The following UBASH3B variants were observed in gnomAD, a reference collection of about 807,000 sequenced individuals.
UBASH3B encodes ubiquitin associated and SH3 domain containing B.
In UBASH3B, 37 loss-of-function variants were observed where a neutral mutation model predicts 83.4. The ratio of observed to expected loss-of-function variants is 0.44; its 90% CI spans 0.34 to 0.58. The LOEUF is 0.58. Ranked by LOEUF, UBASH3B falls within the 20% of genes least tolerant of loss-of-function variation. The pLI is 0.01. For missense variants in UBASH3B, 657 were observed against 827.2 expected (o/e 0.79, Z 2.52); for synonymous variants, 304 against 318.3 (o/e 0.96, Z 0.48).
intron 1 of UBASH3B, among the ~76,000 whole-genome samples, chr11:122,750,111 T>C (rs1416508852): frequency 2.0e-5 from 3 of 152,158 alleles, no homozygotes; most frequent in African/African-American, 7.2e-5. Flanking sequence ...TGCTGATAAA[T>C]AGCAGAGCCA....
intron 1 of UBASH3B, among the ~76,000 whole-genome samples, chr11:122,703,075 G>T (rs575330009): frequency 1.3e-5 from 2 of 152,138 alleles, no homozygotes; most frequent in East Asian, 3.9e-4. Context: ...CCCACAGCAG[G>T]TACTTAGTAG....
chr11:122,788,915 C>A (rs1861002283), intron 5 of UBASH3B, among the ~76,000 whole-genome samples, 185 bp from the exon 6 acceptor site: 1 of 152,132 alleles, frequency 6.6e-6, no homozygotes, highest in Admixed American at 6.5e-5. Context: ...CCGTCAATAC[C>A]CTGAAGAGAG....
intron 3 of UBASH3B, among the ~76,000 whole-genome samples, chr11:122,778,048 TC>T (rs1271013586): frequency 7.2e-5 from 11 of 152,054 alleles, no homozygotes; most frequent in Admixed American, 1.3e-4. Flanking sequence ...CCAAATATAA[TC>T]CCCCTCACTA....
chr11:122,732,012 CA>C (rs1180255422), intron 1 of UBASH3B, among the ~76,000 whole-genome samples: 3 of 152,160 alleles, frequency 2.0e-5, no homozygotes, highest in Non-Finnish European at 4.4e-5. Context: ...CACACACACA[CA>C]CCATGCTCTG....
chr11:122,797,100 G>A, intron 9 of UBASH3B, 67 bp downstream of exon 9: 1 of 1,515,516 alleles, frequency 6.6e-7, no homozygotes, highest in Admixed American at 2.2e-5. Context: ...CTGGTACCAT[G>A]GATATGCAAG....
intron 1 of UBASH3B, among the ~76,000 whole-genome samples, chr11:122,775,323 A>G (rs1860713873): frequency 6.6e-6 from 1 of 152,204 alleles, no homozygotes; most frequent in Admixed American, 6.5e-5. Context: ...TCACTGCTAT[A>G]ACCAGCCTAT....
In UBASH3B at chr11:122,755,971, C is replaced by T. The variant is rs554050165; in HGVS notation, c.162-20248C>T. 6.6e-5 allele frequency among the ~76,000 whole-genome samples: 10 copies of T among 152,228 alleles called. No individual in the cohort carries two copies. The South Asian group carries it at 1.2e-3, about 19-fold the overall frequency. ...TGCAGTGTTCCTCTCCCCATTACCA[C>T]GGAAGGCACTGAACACAGGAGTTCC... On this transcript the variant is annotated intron_variant, in intron 1 of 13. Transcript: ENST00000284273.
chr11:122,739,090 CA>C (rs1245014511), intron 1 of UBASH3B, among the ~76,000 whole-genome samples: 1 of 152,062 alleles, frequency 6.6e-6, no homozygotes, highest in African/African-American at 2.4e-5. Context: ...CCTCAAATTA[CA>C]GGGCTCAGGG....
chr11:122,665,456 A>G (rs1216137494), intron 1 of UBASH3B, among the ~76,000 whole-genome samples: 2 of 151,814 alleles, frequency 1.3e-5, no homozygotes, highest in African/African-American at 4.8e-5. Flanking sequence ...GCCTCCCACA[A>G]GTGCTGGGAT....
chr11:122,716,189 T>C (rs1860522465), intron 1 of UBASH3B, among the ~76,000 whole-genome samples: 1 of 152,132 alleles, frequency 6.6e-6, no homozygotes. Context: ...AGGAGAGCTC[T>C]GAGACAGGGT....
chr11:122,688,980 G>GGC (rs1565529717), intron 1 of UBASH3B, among the ~76,000 whole-genome samples: 3 of 11,276 alleles, frequency 2.7e-4, no homozygotes, highest in African/African-American at 5.4e-4. Context: ...CGGGGAGGCG[G>GGC]GGGGGGGGGG....
At chr11:122,745,379 T>C (rs1861102119) in intron 1 of UBASH3B, among the ~76,000 whole-genome samples, 1 of 152,202 alleles carries the variant, frequency 6.6e-6, no homozygotes, top group Admixed American at 6.5e-5. Flanking sequence ...ATGGGGTGCT[T>C]ACCATGTGGC....
At chr11:122,765,349 A>T (rs1258849238) in intron 1 of UBASH3B, among the ~76,000 whole-genome samples, 1 of 152,196 alleles carries the variant, frequency 6.6e-6, no homozygotes, top group African/African-American at 2.4e-5. Context: ...CTTATTGGCC[A>T]CTTCTCACTG....
chr11:122,753,358 G>C (rs1276149168), intron 1 of UBASH3B, among the ~76,000 whole-genome samples: 1 of 151,808 alleles, frequency 6.6e-6, no homozygotes, highest in East Asian at 2.0e-4. Flanking sequence ...GGCTGAGGCA[G>C]GAGAATGGCT....
intron 1 of UBASH3B, among the ~76,000 whole-genome samples, chr11:122,755,094 G>A (rs1437735596): frequency 6.6e-6 from 1 of 152,068 alleles, no homozygotes; most frequent in Non-Finnish European, 1.5e-5. Context: ...ATGCAATGGA[G>A]AGAAGTCAGA....
intron 1 of UBASH3B, among the ~76,000 whole-genome samples, chr11:122,741,957 AC>A (rs1861032914): frequency 6.6e-6 from 1 of 152,160 alleles, no homozygotes; most frequent in Admixed American, 6.5e-5. Context: ...TCTTCTGGAA[AC>A]TGGCTCACTC....
At chr11:122,702,638 C>T (rs1864056967) in intron 1 of UBASH3B, among the ~76,000 whole-genome samples, 1 of 152,014 alleles carries the variant, frequency 6.6e-6, no homozygotes, top group Non-Finnish European at 1.5e-5. Context: ...GATTCTCCTG[C>T]TTCAGCCTCT....
intron 1 of UBASH3B, among the ~76,000 whole-genome samples, chr11:122,668,097 T>G (rs1442955575): frequency 6.6e-6 from 1 of 152,176 alleles, no homozygotes; most frequent in Non-Finnish European, 1.5e-5. Context: ...GCGATTCTCC[T>G]GCCTCAGCCT....
chr11:122,728,599 A>AT (rs1465938096), intron 1 of UBASH3B, among the ~76,000 whole-genome samples: 1 of 152,206 alleles, frequency 6.6e-6, no homozygotes, highest in Non-Finnish European at 1.5e-5. Flanking sequence ...GATCTTTGTG[A>AT]TTCCCCAGCC....
Sources: gnomAD v4.1 joint callset for allele counts (sites outside exome capture counted in the v4.1 genomes callset) on GRCh38, gnomAD v4.1.1 for gene constraint, MANE v1.5 for transcripts, NCBI Gene and HGNC (gene_info 2026-07-23, HGNC 2026-07-21) for gene names.